Variants in SPEF2 observed in about 807,000 individuals in gnomAD.
SPEF2 encodes sperm flagellar and cilia associated 2, also known as sperm flagella and cilia-associated protein 2.
In SPEF2, 187 loss-of-function variants were observed where a neutral mutation model predicts 224.6. The observed-to-expected ratio is 0.83, with a 90% CI of 0.74 to 0.94. SPEF2 has a LOEUF of 0.94. Ranked by LOEUF, SPEF2 falls within the 40% of genes least tolerant of loss-of-function variation. The pLI is 0.00. For synonymous variants in SPEF2, 715 were observed against 707.3 expected, an observed-to-expected ratio of 1.01 and a Z score of -0.17; for missense variants, 2,170 against 2,135.6, an observed-to-expected ratio of 1.02 and a Z score of -0.32.
intron 32 of SPEF2, 88 bp from the exon 33 acceptor site, chr5:35,795,615 A>G (rs893221773): frequency 8.8e-7 from 1 of 1,135,716 alleles, no homozygotes; most frequent in Non-Finnish European, 1.3e-6. Flanking sequence ...TGCTCTAGAG[A>G]CAAGATTGGC....
At chr5:35,694,147 A>T (rs988969380) in intron 12 of SPEF2, 141 bp from the exon 13 acceptor site, 1 of 636,798 alleles carries the variant, frequency 1.6e-6, no homozygotes, top group African/African-American at 1.9e-5. Flanking sequence ...CTGAAACTTT[A>T]ATCTCCTTTA....
At chr5:35,670,279 T>C (rs778494519) in intron 10 of SPEF2, 52 bp downstream of exon 10, 1 of 1,523,264 alleles carries the variant, frequency 6.6e-7, no homozygotes, top group South Asian at 1.3e-5. Flanking sequence ...TCCTTTTTCT[T>C]TAACATTAAT....
At chr5:35,647,008 T>G (rs531799495) in intron 5 of SPEF2, among the ~76,000 whole-genome samples, 1 of 152,364 alleles carries the variant, frequency 6.6e-6, no homozygotes, top group South Asian at 2.1e-4. Context: ...ACGAAGAATG[T>G]AGCTTTAGGC....
At chr5:35,728,316 G>A (rs1178395071) in intron 21 of SPEF2, among the ~76,000 whole-genome samples, 3 of 152,194 alleles carry the variant, frequency 2.0e-5, no homozygotes, top group Admixed American at 6.5e-5. Flanking sequence ...GTAAGGCAAG[G>A]AGATGTCCCA....
At chr5:35,667,949 A>G (rs1460277825) in intron 9 of SPEF2, among the ~76,000 whole-genome samples, 8 of 152,190 alleles carry the variant, frequency 5.3e-5, no homozygotes, top group African/African-American at 1.9e-4. Context: ...TCAAATTGAA[A>G]TCACAATGAT....
Position 35,659,108 on chromosome 5 carries a change from G to C in SPEF2, c.1068G>C (p.Arg356=), listed in dbSNP as rs562449264. ...TTGCCGTGCAGCTCATGCATGTTCG[G>C]CATGAAAAGGAAGTTTTATGGCAAA... is the stretch of plus-strand genomic sequence containing the variant. ...RRIAVQLMHV[R]HEKEVLWQNR... The change falls in exon 8 of 37, where the codon CGG becomes CGC. Residue 356 remains arginine (R), a synonymous_variant. Transcript: ENST00000356031. 2 of 1,613,080 alleles carry C rather than the reference G, an allele frequency of 1.2e-6. No homozygotes were observed. Among genetic ancestry groups the C allele is most frequent in the African/African-American group, 2.7e-5 (2 of 74,984 alleles).
rs186322884 is a variant in SPEF2, at chr5:35,676,444, A to G, written c.1524+6217A>G. 1.8e-4 allele frequency among the ~76,000 whole-genome samples: 27 copies of G among 152,356 alleles called. No homozygotes were observed. The East Asian group carries it at 4.2e-3, about 24-fold the overall frequency. On this transcript the variant is annotated intron_variant, in intron 10 of 36. Transcript: ENST00000356031. ...CTATAAAGTTTTAAATTTTAAAACT[A>G]TAGGCTGTTTGCGGGGGCTCACACC...
At chr5:35,801,932 A>G (rs1407390457) in intron 34 of SPEF2, among the ~76,000 whole-genome samples, 1 of 152,216 alleles carries the variant, frequency 6.6e-6, no homozygotes, top group African/African-American at 2.4e-5. Context: ...ATTCATTAAT[A>G]GATCAATTAA....
At chr5:35,715,256 T>A (rs1742314163) in intron 20 of SPEF2, among the ~76,000 whole-genome samples, 1 of 123,140 alleles carries the variant, frequency 8.1e-6, no homozygotes, top group Non-Finnish European at 1.7e-5. Flanking sequence ...TGTAAAGAAT[T>A]TTGTTAAGAA....
At chr5:35,686,993 T>C (rs1286693761) in intron 10 of SPEF2, among the ~76,000 whole-genome samples, 1 of 152,012 alleles carries the variant, frequency 6.6e-6, no homozygotes, top group Admixed American at 6.6e-5. Flanking sequence ...TTTTATAGAG[T>C]ATAATCAAAC....
In SPEF2 at chr5:35,697,238, G is replaced by C. The variant is rs7726001; in HGVS notation, c.2038-452G>C. Among the ~76,000 whole-genome samples the C allele has an allele frequency of 9.0e-3, 1,366 of 152,234 alleles. 17 individuals carry two copies. Among genetic ancestry groups the C allele is most frequent in the African/African-American group, 0.032 (1,329 of 41,538 alleles). On this transcript the variant is annotated intron_variant, in intron 14 of 36. Coordinates refer to ENST00000356031, the MANE Select transcript of SPEF2 (RefSeq NM_024867.4). ...GGCAAAATATAAAAGATAATTATTT[G>C]AGTGCTAAAAGAAGACATCAAACAA...
At chr5:35,807,324 G>T (rs1758206654) in intron 36 of SPEF2, 71 bp downstream of exon 36, 4 of 1,540,520 alleles carry the variant, frequency 2.6e-6, no homozygotes, top group African/African-American at 1.4e-5. Flanking sequence ...GTTTCTAAAT[G>T]TGAGCTGGCA....
At chr5:35,710,907 T>TA (rs1409108024) in intron 19 of SPEF2, 1 of 982,978 alleles carries the variant, frequency 1.0e-6, no homozygotes, top group East Asian at 1.1e-4. Context: ...GCCTGATATT[T>TA]AAGAATGTTT....
chr5:35,768,181 C>T (rs1012854351), intron 26 of SPEF2, among the ~76,000 whole-genome samples: 3 of 152,024 alleles, frequency 2.0e-5, no homozygotes, highest in African/African-American at 7.2e-5. Context: ...TCAATATAGT[C>T]TTGAGGTGCT....
chr5:35,652,030 C>T (rs995194846), intron 6 of SPEF2, among the ~76,000 whole-genome samples: 2 of 152,198 alleles, frequency 1.3e-5, no homozygotes, highest in Admixed American at 1.3e-4. Flanking sequence ...CCAGCAACTA[C>T]TTCTTAAGAA....
chr5:35,788,119 A>G (rs538099174), intron 30 of SPEF2: 1 of 703,000 alleles, frequency 1.4e-6, no homozygotes, highest in African/African-American at 1.7e-5. Flanking sequence ...TTCTCAATGC[A>G]CATCATCTCA....
At chr5:35,710,986 G>A (rs897115354) in intron 19 of SPEF2, 1 of 677,616 alleles carries the variant, frequency 1.5e-6, no homozygotes, top group Non-Finnish European at 1.8e-6. Flanking sequence ...TGATAGGGCA[G>A]GAGAGCAGAC....
At chr5:35,666,031 G>T (rs1750418847) in intron 8 of SPEF2, among the ~76,000 whole-genome samples, 1 of 152,118 alleles carries the variant, frequency 6.6e-6, no homozygotes, top group African/African-American at 2.4e-5. Flanking sequence ...GTAATTTTTT[G>T]GGGTATGCTA....
chr5:35,628,731 A>G (rs1744635549), intron 2 of SPEF2, among the ~76,000 whole-genome samples, 169 bp downstream of exon 2: 1 of 152,096 alleles, frequency 6.6e-6, no homozygotes, highest in Non-Finnish European at 1.5e-5. Flanking sequence ...AGGTGGGACT[A>G]CAGGTGCATG....
Sources: gnomAD v4.1 joint callset for allele counts (sites outside exome capture counted in the v4.1 genomes callset) on GRCh38, gnomAD v4.1.1 for gene constraint, MANE v1.5 for transcripts, NCBI Gene and HGNC (gene_info 2026-07-23, HGNC 2026-07-21) for gene names.